The following FER variants were observed in gnomAD, a reference collection of about 807,000 sequenced individuals.
The protein encoded by FER is FER tyrosine kinase.
A neutral mutation model predicts 111.0 loss-of-function variants in FER; 63 were observed. That is an observed-to-expected ratio of 0.57 (90% CI 0.46 to 0.70). The LOEUF (loss-of-function observed/expected upper bound fraction) is 0.70. Among genes scored for constraint, FER ranks in the 30% least tolerant of loss-of-function variants. FER has a pLI of 0.00. For missense variants in FER, 914 were observed against 954.0 expected (o/e 0.96, Z 0.55); for synonymous variants, 327 against 313.9 (o/e 1.04, Z -0.44).
intron 2 of FER, among the ~76,000 whole-genome samples, chr5:108,785,711 T>C (rs1003624450): frequency 1.3e-5 from 2 of 152,362 alleles, no homozygotes; most frequent in South Asian, 4.1e-4. Flanking sequence ...TCTGGCTTCC[T>C]TGATATTTGT....
Position 109,196,622 on chromosome 5 carries a change from TGTTA to T in FER, c.*9051_*9054del, listed in dbSNP as rs1759762093. ...GATCTGTATTTAACACTTATTTATT[TGTTA>T]GTTTTTACATTCAAAAGAAATACAC... On this transcript the variant is annotated 3_prime_UTR_variant, in exon 20 of 20. Coordinates refer to ENST00000281092, the MANE Select transcript of FER (RefSeq NM_005246.4). 1 of 152,178 alleles carries T rather than the reference TGTTA, an allele frequency of 6.6e-6. No individual in the cohort carries two copies. Among genetic ancestry groups the T allele is most frequent in the South Asian group, 2.1e-4 (1 of 4,792 alleles). 9.4% of individuals were successfully genotyped at this position (152,178 alleles called of 1,614,324 possible). A position where few individuals can be genotyped will look rare whatever the true frequency, so the allele number is the denominator to read the frequency against.
At chr5:109,136,869 A>G (rs1752949189) in intron 17 of FER, among the ~76,000 whole-genome samples, 1 of 152,210 alleles carries the variant, frequency 6.6e-6, no homozygotes, top group African/African-American at 2.4e-5. Flanking sequence ...TGTATAAAAC[A>G]AGTAAATTCC....
chr5:108,985,061 C>T (rs542898357), intron 13 of FER, among the ~76,000 whole-genome samples: 90 of 151,964 alleles, frequency 5.9e-4, no homozygotes, highest in African/African-American at 2.0e-3. Context: ...AGACAAATTA[C>T]GAATTAAAAC....
intron 18 of FER, among the ~76,000 whole-genome samples, chr5:109,185,087 G>C (rs1194478080): frequency 6.6e-6 from 1 of 152,160 alleles, no homozygotes; most frequent in Non-Finnish European, 1.5e-5. Context: ...TTAGCTTCTT[G>C]GAGAGGCTGG....
intron 1 of FER, among the ~76,000 whole-genome samples, chr5:108,758,246 A>G (rs1235141891): frequency 6.6e-6 from 1 of 152,202 alleles, no homozygotes; most frequent in Non-Finnish European, 1.5e-5. Context: ...TAAAGCATAG[A>G]GAGGTTTCGG....
intron 11 of FER, among the ~76,000 whole-genome samples, chr5:108,954,466 A>G (rs991608807): frequency 5.9e-5 from 9 of 152,066 alleles, no homozygotes; most frequent in African/African-American, 1.9e-4. Context: ...GACATGGTGA[A>G]TAAGATTATC....
Position 108,868,838 on chromosome 5 carries a change from A to C in FER, c.665+888A>C, listed in dbSNP as rs143961726. On this transcript the variant is annotated intron_variant, in intron 6 of 19. Coordinates refer to ENST00000281092, the MANE Select transcript of FER (RefSeq NM_005246.4). Reference sequence around the variant, plus strand: ...TATCTGTAATTACATAAATTAGCACATAAGCTCTTAGGTTTAGCATATTTT... The same window carrying C: ...TATCTGTAATTACATAAATTAGCACCTAAGCTCTTAGGTTTAGCATATTTT... 5.2e-3 allele frequency among the ~76,000 whole-genome samples: 790 copies of C among 152,276 alleles called. 6 individuals are homozygous for C. Among genetic ancestry groups the C allele is most frequent in the Non-Finnish European group, 5.8e-3 (396 of 67,984 alleles).
chr5:108,753,603 T>C (rs182425921), intron 1 of FER, among the ~76,000 whole-genome samples: 14 of 152,358 alleles, frequency 9.2e-5, no homozygotes, highest in Middle Eastern at 3.4e-3. Context: ...CAAACACATT[T>C]TCTCAATCTG....
At chr5:109,025,477 T>G (rs112238528) in intron 13 of FER, among the ~76,000 whole-genome samples, 18,644 of 151,922 alleles carry the variant, frequency 0.12, 1,153 homozygotes, top group Non-Finnish European at 0.14. Context: ...TTTTGTATCC[T>G]GAGACTTTGC....
intron 10 of FER, among the ~76,000 whole-genome samples, chr5:108,908,126 C>A (rs562116358): frequency 4.6e-5 from 7 of 151,906 alleles, no homozygotes; most frequent in African/African-American, 1.7e-4. Flanking sequence ...TATTACCTGG[C>A]GTTCGTTTTG....
intron 13 of FER, among the ~76,000 whole-genome samples, chr5:109,018,091 A>G (rs1215412314): frequency 6.6e-6 from 1 of 151,902 alleles, no homozygotes; most frequent in Non-Finnish European, 1.5e-5. Flanking sequence ...TGCCTAGTCA[A>G]ATGACTTAAT....
At chr5:108,898,326 CAAAT>C (rs1461570276) in intron 10 of FER, among the ~76,000 whole-genome samples, 1 of 152,054 alleles carries the variant, frequency 6.6e-6, no homozygotes, top group Non-Finnish European at 1.5e-5. Flanking sequence ...TAAATACATT[CAAAT>C]TCACCAACTT....
At chr5:109,163,238 TTC>T (rs138187988) in intron 17 of FER, among the ~76,000 whole-genome samples, 12,954 of 149,378 alleles carry the variant, frequency 0.087, 605 homozygotes, top group African/African-American at 0.13. Flanking sequence ...GCTTTTTTAT[TTC>T]TGAGTATTTC....
intron 16 of FER, among the ~76,000 whole-genome samples, chr5:109,090,591 A>T (rs751896444): frequency 7.2e-5 from 11 of 152,172 alleles, no homozygotes; most frequent in Non-Finnish European, 1.6e-4. Context: ...TAAACAAAAA[A>T]ATCAGGAAAA....
At chr5:109,182,909 A>G (rs893721425) in intron 18 of FER, among the ~76,000 whole-genome samples, 3 of 151,914 alleles carry the variant, frequency 2.0e-5, no homozygotes, top group Admixed American at 2.0e-4. Flanking sequence ...CGGCATAATC[A>G]TGGCTCACTG....
intron 17 of FER, among the ~76,000 whole-genome samples, chr5:109,168,070 C>T (rs753167732): frequency 1.3e-5 from 2 of 152,136 alleles, no homozygotes; most frequent in Non-Finnish European, 2.9e-5. Context: ...CTTTGGAAGC[C>T]TGCAAACCTG....
rs556638376 is a variant in FER, at chr5:109,064,687, A to C, written c.1924+17489A>C. Among the ~76,000 whole-genome samples, 5 of 152,314 alleles carry C rather than the reference A, an allele frequency of 3.3e-5. No homozygotes were observed. The South Asian group carries it at 6.2e-4, about 19-fold the overall frequency. ...ATACCTATGAGTAAGTACCTCCAGC[A>C]AAGAGGCAGGTGGCATGGTGAGCAG... is the stretch of plus-strand genomic sequence containing the variant. On this transcript the variant is annotated intron_variant, in intron 16 of 19. Transcript: ENST00000281092.
intron 5 of FER, among the ~76,000 whole-genome samples, chr5:108,845,045 T>C (rs866565828): frequency 1.2e-3 from 45 of 39,126 alleles, no homozygotes; most frequent in East Asian, 3.6e-3. Context: ...TATATACATA[T>C]ATATATATAT....
chr5:109,164,338 A>G (rs1296337772), intron 17 of FER, among the ~76,000 whole-genome samples: 1 of 152,182 alleles, frequency 6.6e-6, no homozygotes, highest in African/African-American at 2.4e-5. Context: ...TAGTGATAGT[A>G]TTAAGATAGT....
Sources: allele counts gnomAD v4.1 joint callset (sites outside exome capture counted in the v4.1 genomes callset), GRCh38; gene constraint gnomAD v4.1.1; transcripts MANE v1.5; gene names NCBI Gene and HGNC (gene_info 2026-07-23, HGNC 2026-07-21).